AGBL2: variants seen among roughly 807,000 people sequenced by gnomAD.
AGBL2 encodes cytosolic carboxypeptidase 2.
AGBL2 carries 87 observed loss-of-function variants against 103.0 expected under a neutral mutation model. The observed-to-expected ratio is 0.84, with a 90% CI of 0.71 to 1.01. AGBL2 has a LOEUF of 1.01. AGBL2 is among the 50% of genes least tolerant of loss of function. The pLI is 0.00. For synonymous variants in AGBL2, 335 were observed against 356.7 expected (o/e 0.94, Z 0.69); for missense variants, 904 against 1,023.5 (o/e 0.88, Z 1.59).
At chr11:47,682,434 T>C (rs1005298639) in intron 11 of AGBL2, among the ~76,000 whole-genome samples, 4 of 152,148 alleles carry the variant, frequency 2.6e-5, no homozygotes, top group Non-Finnish European at 5.9e-5. Context: ...AACTCTTCCT[T>C]CCTGTTGTCC....
intron 10 of AGBL2, among the ~76,000 whole-genome samples, chr11:47,689,061 C>T (rs1467763289): frequency 6.6e-6 from 1 of 152,036 alleles, no homozygotes; most frequent in Non-Finnish European, 1.5e-5. Flanking sequence ...GCTGTATTTT[C>T]ATTTCCAATG....
chr11:47,714,594 T>C, intron 2 of AGBL2, 24 bp downstream of exon 2: 7 of 1,613,118 alleles, frequency 4.3e-6, no homozygotes, highest in Non-Finnish European at 5.9e-6. Flanking sequence ...GAAATTTCTG[T>C]GGCTTTCCGT....
At chr11:47,670,269 T>TGCA (rs2097353427) in intron 14 of AGBL2, among the ~76,000 whole-genome samples, 1 of 152,178 alleles carries the variant, frequency 6.6e-6, no homozygotes, top group African/African-American at 2.4e-5. Context: ...ACATATGCAT[T>TGCA]TAATAAAGAA....
chr11:47,713,122 C>T (rs937296835), intron 3 of AGBL2, among the ~76,000 whole-genome samples: 4 of 151,730 alleles, frequency 2.6e-5, no homozygotes, highest in African/African-American at 9.7e-5. Flanking sequence ...GGTGGATCAC[C>T]TGAGGTCAGG....
intron 18 of AGBL2, 87 bp from the exon 19 acceptor site, chr11:47,660,433 G>A: frequency 8.3e-7 from 1 of 1,211,972 alleles, no homozygotes; most frequent in East Asian, 2.4e-5. Context: ...GCTTTACAAG[G>A]AGCTGGTGAG....
intron 17 of AGBL2, among the ~76,000 whole-genome samples, chr11:47,666,263 G>A (rs543886545): frequency 9.3e-5 from 14 of 150,326 alleles, no homozygotes; most frequent in Non-Finnish European, 1.9e-4. Flanking sequence ...GCATGGTGGT[G>A]GGCACCTGTA....
intron 17 of AGBL2, among the ~76,000 whole-genome samples, chr11:47,663,792 G>A (rs1258066814): frequency 6.6e-6 from 1 of 151,850 alleles, no homozygotes; most frequent in Non-Finnish European, 1.5e-5. Context: ...CCGACCTCAG[G>A]TGATCCGCCC....
intron 17 of AGBL2, among the ~76,000 whole-genome samples, chr11:47,663,865 C>G (rs985970325): frequency 7.8e-6 from 1 of 128,594 alleles, no homozygotes; most frequent in Non-Finnish European, 1.7e-5. Context: ...CTATAGTACT[C>G]TTTTTTTCTG....
At chr11:47,667,186 G>A in intron 16 of AGBL2, 123 bp from the exon 17 acceptor site, 1 of 681,760 alleles carries the variant, frequency 1.5e-6, no homozygotes, top group Admixed American at 2.9e-5. Context: ...GGGTATGGTG[G>A]GAGTGTGGCA....
chr11:47,666,696 T>C, intron 17 of AGBL2: 2 of 598,002 alleles, frequency 3.3e-6, no homozygotes, highest in Non-Finnish European at 5.9e-6. Flanking sequence ...GAGGGATGAA[T>C]GGATGGTAAG....
chr11:47,675,224 T>C (rs1412403764), intron 14 of AGBL2, among the ~76,000 whole-genome samples: 1 of 74,106 alleles, frequency 1.3e-5, no homozygotes, highest in Admixed American at 1.5e-4. Context: ...TTTTTTTTTT[T>C]CTGAGACAGG....
In AGBL2 at chr11:47,692,222, T is replaced by C. The variant is rs747619148; in HGVS notation, c.729A>G (p.Arg243=). The C allele has an allele frequency of 2.5e-6, 4 of 1,613,528 alleles. No individual in the cohort carries two copies. The highest frequency in any genetic ancestry group is 3.4e-6 in the Non-Finnish European group (4 of 1,179,848). The change falls in exon 9 of 19, where the codon AGA becomes AGG. Residue 243 remains arginine (R), a synonymous_variant. Transcript: ENST00000525123. ...TGACAATTCCTCGTTTGCCTCCCAC[T>C]CTGGAACTGGTAAAATAGGAACCTT... ...PIEGSYFTSS[R]VGGKRGIVKE...
chr11:47,664,373 A>T (rs1337608984), intron 17 of AGBL2, among the ~76,000 whole-genome samples: 2 of 151,378 alleles, frequency 1.3e-5, no homozygotes, highest in Non-Finnish European at 2.9e-5. Context: ...CAGCCTCCCA[A>T]GTAGCTAGGA....
intron 11 of AGBL2, among the ~76,000 whole-genome samples, chr11:47,684,336 G>C (rs2097415129): frequency 6.6e-6 from 1 of 151,804 alleles, no homozygotes; most frequent in African/African-American, 2.4e-5. Context: ...GGGAGGCTGA[G>C]GCGGGTGGTC....
intron 8 of AGBL2, among the ~76,000 whole-genome samples, chr11:47,698,031 T>C (rs1478516187): frequency 1.3e-5 from 2 of 151,836 alleles, no homozygotes; most frequent in South Asian, 2.1e-4. Flanking sequence ...CTGGCTAATT[T>C]ACTGTGTTTT....
chr11:47,689,488 A>G (rs1432397232), intron 10 of AGBL2, among the ~76,000 whole-genome samples: 1 of 151,900 alleles, frequency 6.6e-6, no homozygotes, highest in Non-Finnish European at 1.5e-5. Flanking sequence ...TATCTTTAGC[A>G]GAGACTGGGT....
At chr11:47,695,396 A>T (rs1490007631) in intron 8 of AGBL2, among the ~76,000 whole-genome samples, 2 of 147,568 alleles carry the variant, frequency 1.4e-5, no homozygotes, top group Admixed American at 1.4e-4. Context: ...AATCGCTTGA[A>T]CCTGGGAGGC....
At chr11:47,686,446 G>A (rs576383364) in intron 10 of AGBL2, among the ~76,000 whole-genome samples, 341 of 128,098 alleles carry the variant, frequency 2.7e-3, no homozygotes, top group African/African-American at 9.2e-3. Flanking sequence ...TTTTGTTTCT[G>A]GTTTTTTTTT....
At chr11:47,679,000 A>C (rs995280442) in intron 13 of AGBL2, among the ~76,000 whole-genome samples, 1 of 127,330 alleles carries the variant, frequency 7.9e-6, no homozygotes, top group Non-Finnish European at 1.6e-5. Flanking sequence ...TGGAGATTGC[A>C]GTGAGCCAAG....
Sources: gnomAD v4.1 joint callset for allele counts (sites outside exome capture counted in the v4.1 genomes callset) on GRCh38, gnomAD v4.1.1 for gene constraint, MANE v1.5 for transcripts, NCBI Gene and HGNC (gene_info 2026-07-23, HGNC 2026-07-21) for gene names.